SESN3: variants seen among roughly 807,000 people sequenced by gnomAD.
SESN3 encodes sestrin 3, also known as sestrin-3.
In SESN3, 21 loss-of-function variants were observed where a neutral mutation model predicts 55.3. The ratio of observed to expected loss-of-function variants is 0.38; its 90% CI spans 0.27 to 0.55. The LOEUF is 0.55. Ranked by LOEUF, SESN3 falls within the 20% of genes least tolerant of loss-of-function variation. SESN3 has a pLI of 0.76. For missense variants in SESN3, 408 were observed against 604.3 expected, an observed-to-expected ratio of 0.68 and a Z score of 3.41; for synonymous variants, 181 against 203.1, an observed-to-expected ratio of 0.89 and a Z score of 0.93.
chr11:95,221,275 GCC>G (rs1565476261), intron 1 of SESN3, among the ~76,000 whole-genome samples: 106 of 152,174 alleles, frequency 7.0e-4, no homozygotes, highest in African/African-American at 2.2e-3. Context: ...CTGCACTCCA[GCC>G]TGGGTGACAG....
intron 4 of SESN3, among the ~76,000 whole-genome samples, chr11:95,187,476 A>G (rs1860188525): frequency 6.6e-6 from 1 of 151,996 alleles, no homozygotes; most frequent in Non-Finnish European, 1.5e-5. Context: ...ATTTACTAAT[A>G]TTACACATGA....
chr11:95,186,318 G>A (rs2134229892), intron 4 of SESN3, among the ~76,000 whole-genome samples: 1 of 148,198 alleles, frequency 6.7e-6, no homozygotes, highest in East Asian at 2.0e-4. Flanking sequence ...TTACTTAATG[G>A]CTAAAACAAA....
rs111955366 is a variant in SESN3, at chr11:95,167,270, G to C, written c.*5985C>G. On this transcript the variant is annotated 3_prime_UTR_variant, in exon 10 of 10. Transcript: ENST00000536441. ...TCATTTTTTTAAGAGGTTAACTTGAGGGGTGCAAGAAAATAGACTGTTCTA... is the reference window on the plus strand; with the variant it reads ...TCATTTTTTTAAGAGGTTAACTTGACGGGTGCAAGAAAATAGACTGTTCTA... 96 of 152,140 alleles carry C rather than the reference G, an allele frequency of 6.3e-4. No individual in the cohort carries two copies. The highest frequency in any genetic ancestry group is 2.3e-3 in the African/African-American group (94 of 41,498). 9.4% of individuals were successfully genotyped at this position (152,140 alleles called of 1,614,324 possible).
Position 95,170,889 on chromosome 11 carries a change from T to C in SESN3, c.*2366A>G, listed in dbSNP as rs1351984750. ...GAAACTTTGCAAGGAAAGAGATCTATTAAAGGCACTAATATTTCCATAGCC... is the reference window on the plus strand; with the variant it reads ...GAAACTTTGCAAGGAAAGAGATCTACTAAAGGCACTAATATTTCCATAGCC... On this transcript the variant is annotated 3_prime_UTR_variant, in exon 10 of 10. Coordinates refer to ENST00000536441, the MANE Select transcript of SESN3 (RefSeq NM_144665.4). 2.0e-5 allele frequency: 3 copies of C among 152,198 alleles called. No homozygotes were observed. Among genetic ancestry groups the C allele is most frequent in the Admixed American group, 6.5e-5 (1 of 15,268 alleles). The allele number at this position is 152,198 out of a possible 1,614,324, so 9.4% of individuals were successfully genotyped here. A position where few individuals can be genotyped will look rare whatever the true frequency, so the allele number is the denominator to read the frequency against.
chr11:95,181,881 A>G (rs951290519), intron 6 of SESN3, among the ~76,000 whole-genome samples: 1 of 152,038 alleles, frequency 6.6e-6, no homozygotes. Context: ...TCTTTTTTCT[A>G]TATTTTATTT....
At chr11:95,184,874 T>G (rs776396711) in intron 5 of SESN3, among the ~76,000 whole-genome samples, 2 of 152,042 alleles carry the variant, frequency 1.3e-5, no homozygotes, top group Non-Finnish European at 2.9e-5. Flanking sequence ...TATTATAGTT[T>G]AGTTTAAAAA....
intron 1 of SESN3, among the ~76,000 whole-genome samples, chr11:95,214,823 T>TG (rs1860722444): frequency 2.0e-5 from 3 of 152,160 alleles, no homozygotes; most frequent in African/African-American, 7.2e-5. Flanking sequence ...CCAATGTTAG[T>TG]GCCAAAACGC....
At chr11:95,182,881 C>T (rs1163131664) in intron 6 of SESN3, among the ~76,000 whole-genome samples, 1 of 152,040 alleles carries the variant, frequency 6.6e-6, no homozygotes, top group Non-Finnish European at 1.5e-5. Context: ...TGCTGTTTAC[C>T]ATGTCCTCCT....
At chr11:95,182,916 T>G (rs1489609572) in intron 6 of SESN3, among the ~76,000 whole-genome samples, 1 of 152,096 alleles carries the variant, frequency 6.6e-6, no homozygotes, top group Non-Finnish European at 1.5e-5. Context: ...TTACCTGACT[T>G]CCTCACACTC....
At chr11:95,217,700 A>G (rs1443867794) in intron 1 of SESN3, among the ~76,000 whole-genome samples, 1 of 152,070 alleles carries the variant, frequency 6.6e-6, no homozygotes, top group Non-Finnish European at 1.5e-5. Flanking sequence ...TCAAAGGAAG[A>G]ATTCTGACTG....
At chr11:95,225,058 C>T (rs1237703977) in intron 1 of SESN3, among the ~76,000 whole-genome samples, 2 of 152,166 alleles carry the variant, frequency 1.3e-5, no homozygotes, top group African/African-American at 2.4e-5. Flanking sequence ...TTCACTGCTT[C>T]TTCAAGGACA....
intron 4 of SESN3, among the ~76,000 whole-genome samples, chr11:95,187,240 A>G (rs1458410410): frequency 6.6e-6 from 1 of 151,940 alleles, no homozygotes; most frequent in East Asian, 1.9e-4. Context: ...TAGGATTTTT[A>G]GAACAAAGTG....
chr11:95,205,746 AC>A (rs1234020437), intron 1 of SESN3, among the ~76,000 whole-genome samples: 2 of 152,190 alleles, frequency 1.3e-5, no homozygotes, highest in African/African-American at 2.4e-5. Flanking sequence ...AAAGACCCAA[AC>A]TTTTATTATA....
intron 1 of SESN3, among the ~76,000 whole-genome samples, chr11:95,200,717 A>C (rs1010481815): frequency 1.3e-5 from 2 of 152,066 alleles, no homozygotes; most frequent in African/African-American, 4.8e-5. Flanking sequence ...AACCAAGGCT[A>C]TCAAGTCCTT....
At chr11:95,214,885 G>A (rs748108796) in intron 1 of SESN3, among the ~76,000 whole-genome samples, 6 of 152,146 alleles carry the variant, frequency 3.9e-5, no homozygotes, top group East Asian at 1.9e-4. Flanking sequence ...TTGATTTGTC[G>A]TAAACAAGCT....
chr11:95,175,473 T>C (rs1456358760), intron 9 of SESN3, 25 bp downstream of exon 9: 1 of 1,597,468 alleles, frequency 6.3e-7, no homozygotes, highest in African/African-American at 1.3e-5. Context: ...GTCTATGGTA[T>C]AATGCTTAAT....
At chr11:95,228,604 C>T (rs1481947368) in intron 1 of SESN3, among the ~76,000 whole-genome samples, 6 of 152,112 alleles carry the variant, frequency 3.9e-5, no homozygotes, top group Non-Finnish European at 8.8e-5. Flanking sequence ...ATTTAAAATG[C>T]TACATACTGA....
At chr11:95,194,222 T>C (rs1483967861) in intron 1 of SESN3, among the ~76,000 whole-genome samples, 1 of 152,076 alleles carries the variant, frequency 6.6e-6, no homozygotes, top group African/African-American at 2.4e-5. Flanking sequence ...ATACAAGCCA[T>C]AAAAATTCGA....
chr11:95,194,952 G>A (rs373802443), intron 1 of SESN3, among the ~76,000 whole-genome samples: 10 of 152,104 alleles, frequency 6.6e-5, no homozygotes, highest in African/African-American at 9.6e-5. Flanking sequence ...CAAACTTAAC[G>A]AAGTAGTATA....
Sources: gnomAD v4.1 joint callset for allele counts (sites outside exome capture counted in the v4.1 genomes callset) on GRCh38, gnomAD v4.1.1 for gene constraint, MANE v1.5 for transcripts, NCBI Gene and HGNC (gene_info 2026-07-23, HGNC 2026-07-21) for gene names.